The following GZMM variants were observed in gnomAD, a reference collection of about 807,000 sequenced individuals.
GZMM encodes the protein HU-Met-1.
A neutral mutation model predicts 19.2 loss-of-function variants in GZMM; 23 were observed. The ratio of observed to expected loss-of-function variants is 1.20; its 90% CI spans 0.86 to 1.69. The LOEUF is 1.69. GZMM is among the 40% of genes most tolerant of loss of function. The pLI is 0.00. For synonymous variants in GZMM, 178 were observed against 160.2 expected (o/e 1.11, Z -0.84); for missense variants, 373 against 352.2 (o/e 1.06, Z -0.47).
intron 1 of GZMM, among the ~76,000 whole-genome samples, chr19:545,098 C>CTCCCTCCCTTT (rs1568334496): frequency 8.7e-5 from 11 of 125,992 alleles, no homozygotes; most frequent in Admixed American, 2.2e-4. Flanking sequence ...TTCCTCCTTC[C>CTCCCTCCCTTT]ATCCCTCCTT....
intron 1 of GZMM, among the ~76,000 whole-genome samples, chr19:546,385 A>T (rs1024227920): frequency 6.6e-6 from 1 of 151,802 alleles, no homozygotes. Context: ...CTAAAAATAC[A>T]AAAAAATTAG....
rs756467224 is a variant in GZMM at position 547,438 on chromosome 19, T to G, written c.212+2T>G. 2 of 1,435,726 alleles carry G rather than the reference T, an allele frequency of 1.4e-6. No homozygotes were observed. The highest frequency in any genetic ancestry group is 2.5e-5 in the Admixed American group (1 of 40,664). 88.9% of individuals were successfully genotyped at this position (1,435,726 alleles called of 1,614,324 possible). A position where few individuals can be genotyped will look rare whatever the true frequency, so the allele number is the denominator to read the frequency against. On this transcript the variant is annotated splice_donor_variant, in intron 2 of 4. Transcript: ENST00000264553. LOFTEE classifies it high-confidence loss of function. ...GGCTGCCCACTGCCTGGCCCAGCGG[T>G]GAGTACCCTGCCCTGCCCACCCCAG...
At position 548,564 on chromosome 19, in the gene GZMM, C is replaced by G. The variant is rs762156869; in HGVS notation, c.235C>G (p.Leu79Val). 1 of 1,613,360 alleles carries G rather than the reference C, an allele frequency of 6.2e-7. No homozygotes were observed. The highest frequency in any genetic ancestry group is 2.2e-5 in the East Asian group (1 of 44,876). Residue 79 changes from leucine (L) to valine (V), a missense_variant, in exon 3 of 5, where the codon CTG becomes GTG. Transcript: ENST00000264553. ...AQRMAQLRLV[L>V]GLHTLDSPGL... ...CAGGATGGCCCAGCTGAGGCTGGTG[C>G]TGGGGCTCCACACCCTGGACAGCCC...
chr19:546,519 T>G (rs1445140934), intron 1 of GZMM, among the ~76,000 whole-genome samples: 1 of 117,294 alleles, frequency 8.5e-6, no homozygotes. Flanking sequence ...CCAGGCTGGG[T>G]AACAGAGTGA....
chr19:547,436 G>A lies in GZMM; in HGVS notation c.212G>A (p.Arg71Gln), dbSNP rs746061534. 67 of 1,441,630 alleles carry A rather than the reference G, an allele frequency of 4.6e-5. No homozygotes were observed. Among genetic ancestry groups the A allele is most frequent in the African/African-American group, 3.8e-4 (26 of 68,564 alleles). 89.3% of individuals were successfully genotyped at this position (1,441,630 alleles called of 1,614,324 possible). ...VLTAAHCLAQRMAQLRLVLGL... is the reference protein window; with the variant it reads ...VLTAAHCLAQQMAQLRLVLGL... ...ACGGCTGCCCACTGCCTGGCCCAGC[G>A]GTGAGTACCCTGCCCTGCCCACCCC... Residue 71 changes from arginine (R) to glutamine (Q), a missense_variant and splice_region_variant, in exon 2 of 5, where the codon CGG becomes CAG. Physicochemically the swap from Arg to Gln is conservative, Grantham distance 43 (BLOSUM62 1). Transcript: ENST00000264553.
rs148344737 is a variant in GZMM, at chr19:548,667, C to A, written c.338C>A (p.Ala113Glu). 6 of 1,612,816 alleles carry A rather than the reference C, an allele frequency of 3.7e-6. No individual in the cohort carries two copies. The Admixed American group carries it at 5.0e-5, about 13-fold the overall frequency. Residue 113 changes from alanine (A) to glutamate (E), a missense_variant, in exon 3 of 5, where the codon GCG becomes GAG. Physicochemically the swap from Ala to Glu is moderately radical, Grantham distance 107 (BLOSUM62 -1). Transcript: ENST00000264553. ...KPVPALENDLALLQLDGKVKP... is the reference protein window; with the variant it reads ...KPVPALENDLELLQLDGKVKP... ...GTCCCTGCCCTGGAGAACGACCTCGCGCTGCTTCAGGTGTGCAGGGACGGG... is the reference window on the plus strand; with the variant it reads ...GTCCCTGCCCTGGAGAACGACCTCGAGCTGCTTCAGGTGTGCAGGGACGGG...
intron 1 of GZMM, among the ~76,000 whole-genome samples, chr19:544,580 C>T (rs1033754775): frequency 2.0e-5 from 3 of 152,130 alleles, no homozygotes; most frequent in African/African-American, 4.8e-5. Flanking sequence ...TGCATTCCAG[C>T]TGGACTGAGT....
intron 1 of GZMM, among the ~76,000 whole-genome samples, chr19:544,782 C>T (rs1055135835): frequency 8.0e-6 from 1 of 124,802 alleles, no homozygotes; most frequent in Non-Finnish European, 1.7e-5. Context: ...CATCATTCCT[C>T]CTTCCATTCT....
chr19:549,875 G>T lies in GZMM; in HGVS notation c.*84G>T. The T allele has an allele frequency of 1.4e-6, 1 of 716,626 alleles. No homozygotes were observed. The highest frequency in any genetic ancestry group is 2.4e-5 in the Admixed American group (1 of 42,244). 44.4% of individuals were successfully genotyped at this position (716,626 alleles called of 1,614,324 possible). A position where few individuals can be genotyped will look rare whatever the true frequency, so the allele number is the denominator to read the frequency against. ...TGCAGTGGGGTGGGTGAGGACGGGT[G>T]GGAGGGACAGGGAGGGACCAATAAA... On this transcript the variant is annotated 3_prime_UTR_variant, in exon 5 of 5. Coordinates refer to ENST00000264553, the MANE Select transcript of GZMM (RefSeq NM_005317.4).
Position 549,064 on chromosome 19 carries a change from G to A in GZMM, c.491G>A (p.Arg164Gln), listed in dbSNP as rs369942908. 343 of 1,591,978 alleles carry A rather than the reference G, an allele frequency of 2.2e-4. No individual in the cohort carries two copies. The highest frequency in any genetic ancestry group is 3.5e-4 in the African/African-American group (26 of 74,728). Residue 164 changes from arginine to glutamine, a missense_variant, in exon 4 of 5, where the codon CGG becomes CAG. Transcript: ENST00000264553. ...GGCGGGCGCCTGTCCCGGGTGCTGC[G>A]GGAGCTGGACCTCCAAGTGCTGGAC... Reference protein sequence around the residue: ...HQGGRLSRVLRELDLQVLDTR... With the variant: ...HQGGRLSRVLQELDLQVLDTR...
chr19:545,358 G>T (rs1980235635), intron 1 of GZMM, among the ~76,000 whole-genome samples: 1 of 152,178 alleles, frequency 6.6e-6, no homozygotes, highest in South Asian at 2.1e-4. Flanking sequence ...CAGGCAGCTT[G>T]CAGGCACAGC....
Position 548,590 on chromosome 19 carries a change from C to G in GZMM, c.261C>G (p.Pro87=). 6.2e-7 allele frequency: 1 copy of G among 1,613,442 alleles called. No individual in the cohort carries two copies. The highest frequency in any genetic ancestry group is 1.3e-5 in the African/African-American group (1 of 74,982). The change falls in exon 3 of 5, where the codon CCC becomes CCG. Residue 87 remains proline (P), a synonymous_variant. Coordinates refer to ENST00000264553, the MANE Select transcript of GZMM (RefSeq NM_005317.4). ...LVLGLHTLDS[P]GLTFHIKAAI... ...TGGGGCTCCACACCCTGGACAGCCC[C>G]GGTCTCACCTTCCACATCAAGGCAG...
intron 1 of GZMM, among the ~76,000 whole-genome samples, chr19:544,474 G>A (rs1480287761): frequency 6.6e-6 from 1 of 151,988 alleles, no homozygotes; most frequent in Non-Finnish European, 1.5e-5. Flanking sequence ...GGCAGAGCTG[G>A]GACTCGATCC....
chr19:547,010 T>G (rs1980309647), intron 1 of GZMM, among the ~76,000 whole-genome samples: 1 of 133,106 alleles, frequency 7.5e-6, no homozygotes, highest in South Asian at 2.6e-4. Flanking sequence ...AGGACTCCTG[T>G]GGCTGTGGGG....
At chr19:549,596 G>C (rs753183174) in intron 4 of GZMM, 34 bp from the exon 5 acceptor site, 1 of 1,596,352 alleles carries the variant, frequency 6.3e-7, no homozygotes, top group Non-Finnish European at 8.5e-7. Flanking sequence ...CTCAGCAGGT[G>C]CAGAGGCTGA....
chr19:549,496 G>A lies in GZMM; in HGVS notation c.613-134G>A, dbSNP rs75943115. The A allele has an allele frequency of 6.9e-3, 6,324 of 923,052 alleles. 174 individuals carry two copies. Among genetic ancestry groups the A allele is most frequent in the East Asian group, 0.059 (2,248 of 37,810 alleles). The allele number at this position is 923,052 out of a possible 1,614,324, so 57.2% of individuals were successfully genotyped here. The stretch of plus-strand genomic sequence containing the variant: ...AGCGGGAGATGGGGAGGGGACACGC[G>A]TGGGCCGGGAGCAGCCCCTGTGTCT... On this transcript the variant is annotated intron_variant, in intron 4 of 4. Coordinates refer to ENST00000264553, the MANE Select transcript of GZMM (RefSeq NM_005317.4).
Position 549,787 on chromosome 19 carries a change from C to T in GZMM, c.770C>T (p.Ala257Val), listed in dbSNP as rs780866675. The change falls in exon 5 of 5, where the codon GCC (alanine) becomes GTC (valine). Residue 257 changes from alanine to valine, a missense_variant. Coordinates refer to ENST00000264553, the MANE Select transcript of GZMM (RefSeq NM_005317.4). Reference protein sequence around the residue: ...SWIRKVTGRSA With the variant: ...SWIRKVTGRSV ...ATCAGGAAGGTCACCGGCCGATCGG[C>T]CTGATGCCCTGGGGTGATGGGGACC... The T allele has an allele frequency of 1.2e-6, 2 of 1,610,910 alleles. No homozygotes were observed. Among genetic ancestry groups the T allele is most frequent in the African/African-American group, 1.3e-5 (1 of 74,906 alleles).
Position 549,638 on chromosome 19 carries a change from G to T in GZMM, c.621G>T (p.Ser207=). The T allele has an allele frequency of 6.2e-7, 1 of 1,612,046 alleles. No individual in the cohort carries two copies. The change falls in exon 5 of 5, where the codon TCG becomes TCT. Residue 207 remains serine (S), a synonymous_variant. Transcript: ENST00000264553. ...GTGTGTCGTCCCTGCAGGGTGACTC[G>T]GGCGGGCCCCTGGTGTGTGGCAAAG... ...SKDQAPCKGD[S]GGPLVCGKGR...
chr19:547,516 G>A (rs992020751), intron 2 of GZMM, 80 bp downstream of exon 2: 3 of 1,130,842 alleles, frequency 2.7e-6, no homozygotes, highest in Non-Finnish European at 2.3e-6. Flanking sequence ...GGTGGGCTCT[G>A]GGAGATTTAG....
Sources: gnomAD v4.1 joint callset for allele counts (sites outside exome capture counted in the v4.1 genomes callset) on GRCh38, gnomAD v4.1.1 for gene constraint, MANE v1.5 for transcripts, NCBI Gene and HGNC (gene_info 2026-07-23, HGNC 2026-07-21) for gene names.